The following RGS7 variants were observed in gnomAD, a reference collection of about 807,000 sequenced individuals.
RGS7 encodes regulator of G-protein signaling 7.
Under a neutral mutation model 81.1 loss-of-function variants are expected in RGS7, and 27 were observed. That is an observed-to-expected ratio of 0.33 (90% confidence interval 0.25 to 0.46). The LOEUF is 0.46. Ranked by LOEUF, RGS7 falls within the 20% of genes least tolerant of loss-of-function variation. The pLI is 1.00. For synonymous variants in RGS7, 208 were observed against 207.7 expected (o/e 1.00, Z -0.01); for missense variants, 396 against 607.4 (o/e 0.65, Z 3.66).
intron 2 of RGS7, among the ~76,000 whole-genome samples, chr1:241,103,456 TCTC>T (rs1317427498): frequency 6.6e-6 from 1 of 152,160 alleles, no homozygotes; most frequent in Non-Finnish European, 1.5e-5. Flanking sequence ...CTGTAAGACT[TCTC>T]CTAGCTACAA....
intron 2 of RGS7, among the ~76,000 whole-genome samples, chr1:241,121,083 T>A (rs1311759915): frequency 6.6e-6 from 1 of 152,194 alleles, no homozygotes; most frequent in Non-Finnish European, 1.5e-5. Context: ...CTTACTCCAT[T>A]ACTCCCCTTG....
intron 2 of RGS7, among the ~76,000 whole-genome samples, chr1:241,285,091 C>T (rs578057543): frequency 2.0e-5 from 3 of 152,100 alleles, no homozygotes; most frequent in South Asian, 2.1e-4. Context: ...AGGATGGTCT[C>T]GATCTCCTGA....
chr1:241,104,741 C>T (rs2064997392), intron 2 of RGS7, among the ~76,000 whole-genome samples: 2 of 152,150 alleles, frequency 1.3e-5, no homozygotes, highest in Non-Finnish European at 2.9e-5. Context: ...ACTTTTTATG[C>T]TTCTGTTACA....
In RGS7 at chr1:241,089,020, C is replaced by CCT. The variant is rs1491281246; in HGVS notation, c.175+9645_175+9646insAG. Reference sequence around the variant, plus strand: ...CAGCCTGGGCCACAGAGCAAGACTCCATCTCTCTCTCTCTCTCTCTCTCTC... The same window carrying CCT: ...CAGCCTGGGCCACAGAGCAAGACTCCCTATCTCTCTCTCTCTCTCTCTCTCTC... On this transcript the variant is annotated intron_variant, in intron 3 of 18. Coordinates refer to ENST00000440928, the MANE Select transcript of RGS7 (RefSeq NM_001364886.1). Among the ~76,000 whole-genome samples the CCT allele has an allele frequency of 5.1e-4, 23 of 45,440 alleles. 1 individual carries two copies. The highest frequency in any genetic ancestry group is 2.1e-3 in the African/African-American group (18 of 8,462). The allele number at this position is 45,440 out of a possible 152,430, so 29.8% of individuals were successfully genotyped here.
intron 16 of RGS7, among the ~76,000 whole-genome samples, chr1:240,802,688 A>T (rs1012164356): frequency 3.3e-5 from 5 of 152,166 alleles, no homozygotes; most frequent in African/African-American, 1.2e-4. Context: ...AAGCATGAAC[A>T]TCTGCAGAAA....
At chr1:240,877,186 C>G (rs1665569997) in intron 6 of RGS7, among the ~76,000 whole-genome samples, 1 of 151,316 alleles carries the variant, frequency 6.6e-6, no homozygotes, top group Admixed American at 6.6e-5. Context: ...GCTGAAATAA[C>G]TTGATTTGTA....
intron 2 of RGS7, among the ~76,000 whole-genome samples, chr1:241,310,074 C>T (rs1218943140): frequency 1.3e-5 from 2 of 152,188 alleles, no homozygotes; most frequent in African/African-American, 4.8e-5. Flanking sequence ...CGACATTAAT[C>T]CTGTTTCGTA....
intron 6 of RGS7, among the ~76,000 whole-genome samples, chr1:240,898,130 A>C (rs895282660): frequency 1.2e-4 from 18 of 151,670 alleles, no homozygotes; most frequent in African/African-American, 4.4e-4. Context: ...GTGGTGATAT[A>C]CCCTTTATCA....
intron 2 of RGS7, among the ~76,000 whole-genome samples, chr1:241,204,359 C>T (rs1332743304): frequency 2.6e-5 from 4 of 152,148 alleles, no homozygotes; most frequent in Non-Finnish European, 5.9e-5. Context: ...CTCTAGGTCA[C>T]AGAGATGGGC....
chr1:240,845,588 A>G (rs1453634916), intron 9 of RGS7, among the ~76,000 whole-genome samples: 3 of 152,136 alleles, frequency 2.0e-5, no homozygotes, highest in African/African-American at 4.8e-5. Context: ...ACAAAACCCA[A>G]CTCTTCAGAG....
At chr1:241,245,063 T>A (rs1302800129) in intron 2 of RGS7, among the ~76,000 whole-genome samples, 1 of 152,060 alleles carries the variant, frequency 6.6e-6, no homozygotes, top group African/African-American at 2.4e-5. Context: ...CATATGTAAC[T>A]AACCTGCACG....
intron 3 of RGS7, among the ~76,000 whole-genome samples, chr1:241,065,295 A>G (rs766985287): frequency 1.3e-5 from 2 of 150,714 alleles, no homozygotes; most frequent in African/African-American, 2.4e-5. Flanking sequence ...TATTATAGAT[A>G]TAGATATAAT....
intron 2 of RGS7, among the ~76,000 whole-genome samples, chr1:241,217,966 C>G (rs747814484): frequency 6.6e-6 from 1 of 152,112 alleles, no homozygotes; most frequent in Non-Finnish European, 1.5e-5. Context: ...GATCTTGAAG[C>G]ATTAATAAAA....
chr1:241,204,277 G>C (rs956223744), intron 2 of RGS7, among the ~76,000 whole-genome samples: 1 of 152,120 alleles, frequency 6.6e-6, no homozygotes, highest in Non-Finnish European at 1.5e-5. Context: ...GGATCCCAGA[G>C]GAATAAAAAG....
intron 2 of RGS7, among the ~76,000 whole-genome samples, chr1:241,129,191 G>A (rs1173765643): frequency 6.6e-6 from 1 of 151,112 alleles, no homozygotes; most frequent in Non-Finnish European, 1.5e-5. Context: ...AGATTTTCTT[G>A]CAAAATGCCA....
intron 3 of RGS7, among the ~76,000 whole-genome samples, chr1:241,002,632 G>A (rs2058456202): frequency 6.6e-6 from 1 of 152,158 alleles, no homozygotes; most frequent in Admixed American, 6.5e-5. Flanking sequence ...CACAGTTCAT[G>A]AGAGCAGTGA....
At chr1:241,353,424 C>T (rs1355077289) in intron 2 of RGS7, among the ~76,000 whole-genome samples, 3 of 152,236 alleles carry the variant, frequency 2.0e-5, no homozygotes, top group Non-Finnish European at 2.9e-5. Flanking sequence ...TGATAACTAG[C>T]AAATGATAAG....
intron 4 of RGS7, among the ~76,000 whole-genome samples, chr1:240,969,253 C>A (rs1247092925): frequency 6.6e-6 from 1 of 151,994 alleles, no homozygotes; most frequent in Non-Finnish European, 1.5e-5. Flanking sequence ...AAATTCAAGT[C>A]GGCTTATAAA....
At chr1:240,836,567 G>T (rs1292223317) in intron 9 of RGS7, among the ~76,000 whole-genome samples, 2 of 152,202 alleles carry the variant, frequency 1.3e-5, no homozygotes, top group African/African-American at 4.8e-5. Context: ...AGATGGGAAA[G>T]CCTGTGAAAA....
Sources: gnomAD v4.1 joint callset for allele counts (sites outside exome capture counted in the v4.1 genomes callset) on GRCh38, gnomAD v4.1.1 for gene constraint, MANE v1.5 for transcripts, NCBI Gene and HGNC (gene_info 2026-07-23, HGNC 2026-07-21) for gene names.